PSMF1: variants seen among roughly 807,000 people sequenced by gnomAD.
PSMF1 encodes proteasome inhibitor PI31 subunit.
Under a neutral mutation model 29.3 loss-of-function variants are expected in PSMF1, and 30 were observed. The observed-to-expected ratio is 1.02, with a 90% CI of 0.77 to 1.39. PSMF1 has a LOEUF of 1.39. Among genes scored for constraint, PSMF1 ranks in the 40% most tolerant of loss-of-function variants. The probability of loss-of-function intolerance (pLI) is 0.00; values close to 1 mark genes in which losing one functional copy is unlikely to be tolerated. For synonymous variants in PSMF1, 134 were observed against 139.7 expected (o/e 0.96, Z 0.29); for missense variants, 344 against 357.5 (o/e 0.96, Z 0.31).
intron 4 of PSMF1, among the ~76,000 whole-genome samples, chr20:1,144,505 C>A (rs945237837): frequency 6.6e-6 from 1 of 152,094 alleles, no homozygotes; most frequent in Non-Finnish European, 1.5e-5. Flanking sequence ...TTTGTAATAG[C>A]CAAAAGCTGG....
In PSMF1 at chr20:1,148,540, A is replaced by G. The variant is rs141126530; in HGVS notation, c.551+13234A>G. On this transcript the variant is annotated intron_variant, in intron 4 of 6. Transcript: ENST00000335877. The stretch of plus-strand genomic sequence containing the variant: ...CTGAATTCATTTTTAATCCCAACCA[A>G]TCTGTATCTTTACATATTTTTAAAT... Among the ~76,000 whole-genome samples the G allele has an allele frequency of 6.1e-3, 934 of 152,236 alleles. 12 individuals are homozygous for G. Among genetic ancestry groups the G allele is most frequent in the African/African-American group, 0.021 (884 of 41,538 alleles).
chr20:1,163,322 A>G lies in PSMF1; in HGVS notation c.605+139A>G. The G allele has an allele frequency of 1.1e-6, 1 of 935,488 alleles. No homozygotes were observed. Among genetic ancestry groups the G allele is most frequent in the Non-Finnish European group, 1.7e-6 (1 of 603,416 alleles). The allele number at this position is 935,488 out of a possible 1,614,324, so 57.9% of individuals were successfully genotyped here. A position where few individuals can be genotyped will look rare whatever the true frequency, so the allele number is the denominator to read the frequency against. On this transcript the variant is annotated intron_variant, in intron 5 of 6. Transcript: ENST00000335877. This position sits in a 1 kb window ranked among gnomAD's most constrained non-coding sequence, Gnocchi z 6.1. ...GGCAGTTGTTGCTGAGCAGCTGAGA[A>G]AGCACTGCCACATACGCTGCCCCTC...
At chr20:1,121,676 G>C (rs191474800) in intron 1 of PSMF1, among the ~76,000 whole-genome samples, 1 of 152,292 alleles carries the variant, frequency 6.6e-6, no homozygotes, top group African/African-American at 2.4e-5. Flanking sequence ...GTGTATGCTT[G>C]ACTATACAAG....
Position 1,166,283 on chromosome 20 carries a change from C to A in PSMF1, c.*1203C>A. ...GCCCTGTTCTGGAGTGGAAAGAGCA[C>A]GATAGAGCACCAGGCTAAGAGGCAC... On this transcript the variant is annotated 3_prime_UTR_variant, in exon 7 of 7. Coordinates refer to ENST00000335877, the MANE Select transcript of PSMF1 (RefSeq NM_006814.5). The A allele has an allele frequency of 1.2e-6, 2 of 1,606,512 alleles. No individual in the cohort carries two copies. The highest frequency in any genetic ancestry group is 1.7e-6 in the Non-Finnish European group (2 of 1,174,876).
chr20:1,125,389 A>G (rs1343095004), intron 1 of PSMF1, 109 bp from the exon 2 acceptor site: 6 of 1,215,862 alleles, frequency 4.9e-6, no homozygotes, highest in Non-Finnish European at 6.7e-6. Context: ...TGACCTCCAC[A>G]TCTTCATCTG....
At chr20:1,146,367 T>C (rs2086450319) in intron 4 of PSMF1, among the ~76,000 whole-genome samples, 2 of 151,884 alleles carry the variant, frequency 1.3e-5, no homozygotes. Context: ...TCTAAAAACA[T>C]GGGGCTGTCC....
rs2086763122 is a variant in PSMF1, at chr20:1,169,007, G to A, written c.*3927G>A. 6.6e-6 allele frequency among the ~76,000 whole-genome samples: 1 copy of A among 152,154 alleles called. No homozygotes were observed. The highest frequency in any genetic ancestry group is 6.6e-5 in the Admixed American group (1 of 15,266). ...CTTTATTGCCCTTGGGATACCACAAGGCACAGATACAGGCAGCTGCTGTGT... is the reference window on the plus strand; with the variant it reads ...CTTTATTGCCCTTGGGATACCACAAAGCACAGATACAGGCAGCTGCTGTGT... On this transcript the variant is annotated 3_prime_UTR_variant, in exon 7 of 7. Coordinates refer to ENST00000335877, the MANE Select transcript of PSMF1 (RefSeq NM_006814.5).
In PSMF1 at chr20:1,131,465, C is replaced by T. The variant is rs766015792; in HGVS notation, c.366-3656C>T. 5.9e-5 allele frequency among the ~76,000 whole-genome samples: 9 copies of T among 152,266 alleles called. No homozygotes were observed. The South Asian group carries it at 6.2e-4, about 11-fold the overall frequency. ...AGATGTCAGCACATAGAGTGCTTAG[C>T]GCTTAGTCCAGCTCTTAGTAAAATA... On this transcript the variant is annotated intron_variant, in intron 3 of 6. Transcript: ENST00000335877.
chr20:1,140,340 A>G (rs760266893), intron 4 of PSMF1, among the ~76,000 whole-genome samples: 2 of 152,220 alleles, frequency 1.3e-5, no homozygotes, highest in Non-Finnish European at 2.9e-5. Context: ...TGCCAAGACA[A>G]TTTAGTAGAG....
At position 1,171,884 on chromosome 20, in the gene PSMF1, T is replaced by C. The variant is rs964383522; in HGVS notation, c.*6804T>C. On this transcript the variant is annotated 3_prime_UTR_variant, in exon 7 of 7. Coordinates refer to ENST00000335877, the MANE Select transcript of PSMF1 (RefSeq NM_006814.5). ...AGGAAGTATGGGAGCAGTTCCATCC[T>C]CAAGGTTTCTTGGTTCCCAGGACAG... Among the ~76,000 whole-genome samples the C allele has an allele frequency of 6.6e-6, 1 of 152,240 alleles. No individual in the cohort carries two copies. The highest frequency in any genetic ancestry group is 1.5e-5 in the Non-Finnish European group (1 of 68,038).
intron 1 of PSMF1, among the ~76,000 whole-genome samples, chr20:1,121,765 A>G (rs1205351925): frequency 2.0e-5 from 3 of 152,228 alleles, no homozygotes; most frequent in Non-Finnish European, 4.4e-5. Flanking sequence ...TTGTGTACAT[A>G]AAACTTGATT....
At chr20:1,150,208 C>T (rs921419459) in intron 4 of PSMF1, among the ~76,000 whole-genome samples, 3 of 152,014 alleles carry the variant, frequency 2.0e-5, no homozygotes, top group African/African-American at 4.8e-5. Context: ...GCTTTATGCC[C>T]GTTTCCCACT....
chr20:1,113,918 C>A (rs975426444), upstream of PSMF1, among the ~76,000 whole-genome samples: 1 of 151,972 alleles, frequency 6.6e-6, no homozygotes, highest in Admixed American at 6.6e-5. Flanking sequence ...GTCTCGATGT[C>A]CTGACCTCGT....
chr20:1,162,992 A>G (rs1600176034), intron 4 of PSMF1, 138 bp from the exon 5 acceptor site: 3 of 839,156 alleles, frequency 3.6e-6, no homozygotes, highest in Non-Finnish European at 3.8e-6. Flanking sequence ...CATCTGAGCC[A>G]AGGACCACCC....
At position 1,125,509 on chromosome 20, in the gene PSMF1, T is replaced by C. The variant is rs377541588; in HGVS notation, c.141T>C (p.Asn47=). The C allele has an allele frequency of 3.8e-5, 61 of 1,608,532 alleles. No homozygotes were observed. The highest frequency in any genetic ancestry group is 4.9e-5 in the Non-Finnish European group (58 of 1,177,652). Residue 47 remains asparagine (N), a synonymous_variant, in exon 2 of 7, where the codon AAT becomes AAC. Transcript: ENST00000335877. ...GLGVGDQPGP[N]DKKSELLPAG... ...TGTGGTCTTCCCAGCCGGGTCCCAA[T>C]GATAAGAAGTCAGAACTGCTGCCAG...
At position 1,170,728 on chromosome 20, in the gene PSMF1, T is replaced by C. The variant is rs2086781711; in HGVS notation, c.*5648T>C. Among the ~76,000 whole-genome samples, 1 of 152,052 alleles carries C rather than the reference T, an allele frequency of 6.6e-6. No homozygotes were observed. The highest frequency in any genetic ancestry group is 2.1e-4 in the South Asian group (1 of 4,796). ...AGATCCAACCAAATAATGTGTCTTA[T>C]TAACAGAGAGTTGGGGCTCGGTGGG... On this transcript the variant is annotated 3_prime_UTR_variant, in exon 7 of 7. Coordinates refer to ENST00000335877, the MANE Select transcript of PSMF1 (RefSeq NM_006814.5).
In PSMF1 at chr20:1,135,257, C is replaced by G; in HGVS notation, c.502C>G (p.Pro168Ala). The G allele has an allele frequency of 1.2e-6, 2 of 1,613,912 alleles. No individual in the cohort carries two copies. Among genetic ancestry groups the G allele is most frequent in the Non-Finnish European group, 1.7e-6 (2 of 1,179,910 alleles). Residue 168 changes from proline to alanine, a missense_variant, in exon 4 of 7, where the codon CCA (proline) becomes GCA (alanine). Physicochemically the swap from Pro to Ala is conservative, Grantham distance 27. Coordinates refer to ENST00000335877, the MANE Select transcript of PSMF1 (RefSeq NM_006814.5). ...CCCTGCTACCGCCAGAGAGGTGGACCCACTCCGGATTCCTCCACACCACCC... is the reference window on the plus strand; with the variant it reads ...CCCTGCTACCGCCAGAGAGGTGGACGCACTCCGGATTCCTCCACACCACCC... The part of the protein sequence containing the change: ...FPPATAREVD[P>A]LRIPPHHPHT...
intron 4 of PSMF1, among the ~76,000 whole-genome samples, chr20:1,145,114 G>A (rs2086432926): frequency 6.6e-6 from 1 of 152,166 alleles, no homozygotes; most frequent in African/African-American, 2.4e-5. Flanking sequence ...TCAAAATCCT[G>A]CCCTCAAGTG....
In PSMF1 at chr20:1,136,640, G is replaced by T. The variant is rs144953354; in HGVS notation, c.551+1334G>T. On this transcript the variant is annotated intron_variant, in intron 4 of 6. Coordinates refer to ENST00000335877, the MANE Select transcript of PSMF1 (RefSeq NM_006814.5). ...AGAGTAATTGATAAGATGATGATGTGTATTCCATGCGTAGGTGCCTGAGTA... is the reference window on the plus strand; with the variant it reads ...AGAGTAATTGATAAGATGATGATGTTTATTCCATGCGTAGGTGCCTGAGTA... Among the ~76,000 whole-genome samples, 796 of 152,316 alleles carry T rather than the reference G, an allele frequency of 5.2e-3. 2 individuals are homozygous for T. The highest frequency in any genetic ancestry group is 0.031 in the Middle Eastern group (9 of 292).
Sources: gnomAD v4.1 joint callset for allele counts (sites outside exome capture counted in the v4.1 genomes callset) on GRCh38, gnomAD v4.1.1 for gene constraint, Gnocchi (gnomAD v3.1) non-coding constraint, MANE v1.5 for transcripts, NCBI Gene and HGNC (gene_info 2026-07-23, HGNC 2026-07-21) for gene names.